SAR1B: variants seen among roughly 807,000 people sequenced by gnomAD.
SAR1B encodes secretion associated Ras related GTPase 1B.
SAR1B carries 23 observed loss-of-function variants against 26.8 expected under a neutral mutation model. The ratio of observed to expected loss-of-function variants is 0.86; its 90% CI spans 0.62 to 1.22. The LOEUF (loss-of-function observed/expected upper bound fraction) is 1.22, where lower values mean the gene tolerates loss of function less well. SAR1B is among the 50% of genes most tolerant of loss of function. SAR1B has a pLI of 0.00. For synonymous variants in SAR1B, 65 were observed against 80.8 expected, an observed-to-expected ratio of 0.80 and a Z score of 1.05; for missense variants, 196 against 232.8, an observed-to-expected ratio of 0.84 and a Z score of 1.03.
At chr5:134,621,365 G>A (rs1412965463) in intron 2 of SAR1B, among the ~76,000 whole-genome samples, 1 of 152,106 alleles carries the variant, frequency 6.6e-6, no homozygotes, top group Non-Finnish European at 1.5e-5. Flanking sequence ...AGCTACTTGG[G>A]AAGCTGAGGC....
intron 3 of SAR1B, 102 bp downstream of exon 3, chr5:134,620,831 G>T: frequency 7.4e-7 from 1 of 1,343,636 alleles, no homozygotes; most frequent in Non-Finnish European, 1.1e-6. Context: ...TGCAGCCTGG[G>T]CAACAGAGAA....
intron 6 of SAR1B, 32 bp downstream of exon 6, chr5:134,608,340 C>T: frequency 6.5e-7 from 1 of 1,526,778 alleles, no homozygotes; most frequent in Middle Eastern, 1.7e-4. Flanking sequence ...TAGAATTAAA[C>T]ACACCCATCA....
intron 1 of SAR1B, among the ~76,000 whole-genome samples, chr5:134,626,155 T>A (rs1765489036): frequency 6.6e-6 from 1 of 151,422 alleles, no homozygotes; most frequent in African/African-American, 2.4e-5. Context: ...AAAAATTAGC[T>A]GGGTGTGGTG....
chr5:134,613,136 T>C (rs1206317910), intron 3 of SAR1B: 4 of 298,824 alleles, frequency 1.3e-5, no homozygotes, highest in African/African-American at 2.3e-5. Context: ...CTTTGCCTCT[T>C]TTAAAAAGTT....
At chr5:134,613,374 C>T (rs1191495788) in intron 3 of SAR1B, 1 of 152,174 alleles carries the variant, frequency 6.6e-6, no homozygotes, top group African/African-American at 2.4e-5. Context: ...CTTTACAGCA[C>T]CAGGGAACAA....
intron 1 of SAR1B, 75 bp from the exon 2 acceptor site, chr5:134,624,112 C>T (rs868531773): frequency 8.3e-6 from 7 of 842,788 alleles, no homozygotes; most frequent in Middle Eastern, 2.7e-4. Flanking sequence ...CTGTTAAACA[C>T]CAACTCTGAG....
chr5:134,628,570 G>A (rs1765539158), intron 1 of SAR1B, among the ~76,000 whole-genome samples: 1 of 151,984 alleles, frequency 6.6e-6, no homozygotes, highest in Non-Finnish European at 1.5e-5. Flanking sequence ...AATCCCTGCA[G>A]TTTGGGAGGC....
At chr5:134,621,454 C>A (rs1278513917) in intron 2 of SAR1B, among the ~76,000 whole-genome samples, 3 of 149,880 alleles carry the variant, frequency 2.0e-5, no homozygotes, top group Non-Finnish European at 4.4e-5. Context: ...GCCTGGGCGA[C>A]AAAGTGAGAC....
At chr5:134,612,641 T>TGAAAAAAAAAAAAAA in intron 4 of SAR1B, 50 bp downstream of exon 4, 1 of 764,650 alleles carries the variant, frequency 1.3e-6, no homozygotes. Flanking sequence ...TGAGCCTGTC[T>TGAAAAAAAAAAAAAA]AAAAAAAAAA....
intron 4 of SAR1B, among the ~76,000 whole-genome samples, chr5:134,611,018 T>A (rs1437372530): frequency 1.3e-5 from 2 of 151,986 alleles, no homozygotes; most frequent in Non-Finnish European, 2.9e-5. Context: ...TGTCTATCAC[T>A]ATGCCCCATT....
chr5:134,623,437 C>A (rs1765446452), intron 2 of SAR1B, among the ~76,000 whole-genome samples: 1 of 149,234 alleles, frequency 6.7e-6, no homozygotes, highest in South Asian at 2.1e-4. Context: ...GAGACTCCAT[C>A]TCAGAAACAA....
At position 134,627,810 on chromosome 5, in the gene SAR1B, AAAT is replaced by A. The variant is rs1765522013; in HGVS notation, c.-18-3776_-18-3774del. The stretch of plus-strand genomic sequence containing the variant: ...CGAGACTCCATCCCAAAAAATAAAT[AAAT>A]AAATAAATAAATAAATAAATAAATA... On this transcript the variant is annotated intron_variant, in intron 1 of 6. Transcript: ENST00000402673. Among the ~76,000 whole-genome samples the A allele has an allele frequency of 1.1e-4, 6 of 53,094 alleles. No individual in the cohort carries two copies. The East Asian group carries it at 2.3e-3, about 21-fold the overall frequency. The allele number at this position is 53,094 out of a possible 152,430, so 34.8% of individuals were successfully genotyped here.
In SAR1B at chr5:134,609,615, A is replaced by T. The variant is rs1156711245; in HGVS notation, c.304T>A (p.Cys102Ser). The T allele has an allele frequency of 4.3e-6, 7 of 1,614,066 alleles. No homozygotes were observed. The highest frequency in any genetic ancestry group is 3.3e-5 in the Admixed American group (2 of 60,000). The change falls in exon 5 of 7, where the codon TGT (cysteine) becomes AGT (serine). Residue 102 changes from cysteine (C) to serine (S), a missense_variant. Transcript: ENST00000402673. ...AINGIVFLVD[C>S]ADHERLLESK... ...TCTAACAGCCTTTCGTGGTCTGCAC[A>T]ATCCACCAGAAATACAATGCCATTG... is the stretch of plus-strand genomic sequence containing the variant.
At position 134,626,879 on chromosome 5, in the gene SAR1B, C is replaced by T. The variant is rs1381719404; in HGVS notation, c.-18-2842G>A. 2.6e-5 allele frequency among the ~76,000 whole-genome samples: 4 copies of T among 152,182 alleles called. No individual in the cohort carries two copies. The South Asian group carries it at 8.3e-4, about 32-fold the overall frequency. The stretch of plus-strand genomic sequence containing the variant: ...TGGAATTAGATAGTGGTGATGTTTA[C>T]ACAACAATGTGACTATACTAAAAAC... On this transcript the variant is annotated intron_variant, in intron 1 of 6. Coordinates refer to ENST00000402673, the MANE Select transcript of SAR1B (RefSeq NM_016103.4).
At position 134,612,677 on chromosome 5, in the gene SAR1B, A is replaced by AAAAT; in HGVS notation, c.244+13_244+14insATTT. 8.5e-6 allele frequency: 9 copies of AAAAT among 1,055,536 alleles called. No individual in the cohort carries two copies. The highest frequency in any genetic ancestry group is 1.2e-5 in the Non-Finnish European group (9 of 762,968). 65.4% of individuals were successfully genotyped at this position (1,055,536 alleles called of 1,614,324 possible). On this transcript the variant is annotated intron_variant, in intron 4 of 6. Coordinates refer to ENST00000402673, the MANE Select transcript of SAR1B (RefSeq NM_016103.4). ...AAAAAAAAAAAAAAAAAAAAAAAAA[A>AAAAT]AAAAGAATCTTACCTTGAACATGTC... is the stretch of plus-strand genomic sequence containing the variant.
intron 6 of SAR1B, among the ~76,000 whole-genome samples, chr5:134,607,906 G>A (rs892448218): frequency 6.6e-6 from 1 of 152,018 alleles, no homozygotes; most frequent in African/African-American, 2.4e-5. Flanking sequence ...CAATGCTGAT[G>A]TTTCCCCCAA....
intron 1 of SAR1B, among the ~76,000 whole-genome samples, chr5:134,626,435 A>C (rs1580656695): frequency 6.6e-6 from 1 of 152,124 alleles, no homozygotes; most frequent in African/African-American, 2.4e-5. Context: ...AACTAAGAAT[A>C]AAAGTTACTT....
intron 1 of SAR1B, among the ~76,000 whole-genome samples, chr5:134,624,487 C>T (rs1170119918): frequency 6.6e-6 from 1 of 152,088 alleles, no homozygotes; most frequent in Non-Finnish European, 1.5e-5. Context: ...CACCACTGCA[C>T]TCCAGCCAGG....
At chr5:134,618,977 AAC>A (rs1226348754) in intron 3 of SAR1B, among the ~76,000 whole-genome samples, 1 of 151,288 alleles carries the variant, frequency 6.6e-6, no homozygotes, top group East Asian at 2.0e-4. Flanking sequence ...CAGCCTAGGC[AAC>A]AGAGTGAGAC....
Sources: allele counts gnomAD v4.1 joint callset (sites outside exome capture counted in the v4.1 genomes callset), GRCh38; gene constraint gnomAD v4.1.1; transcripts MANE v1.5; gene names NCBI Gene and HGNC (gene_info 2026-07-23, HGNC 2026-07-21).